ASPRV1: variants seen among roughly 807,000 people sequenced by gnomAD.
ASPRV1 encodes aspartic peptidase retroviral like 1, also known as retroviral-like aspartic protease 1.
Under a neutral mutation model 11.0 loss-of-function variants are expected in ASPRV1, and 7 were observed. The observed-to-expected ratio is 0.64, with a 90% confidence interval of 0.36 to 1.20. The LOEUF is 1.20. ASPRV1 is among the 50% of genes most tolerant of loss of function. The pLI, the probability that ASPRV1 is intolerant of heterozygous loss-of-function variation, is 0.02. For missense variants in ASPRV1, 299 were observed against 320.0 expected (o/e 0.93, Z 0.50); for synonymous variants, 136 against 138.4 (o/e 0.98, Z 0.12).
the ASPRV1 span, chr2:69,936,898 G>A: frequency 2.1e-6 from 1 of 481,268 alleles, no homozygotes; most frequent in African/African-American, 2.0e-5. Flanking sequence ...GGTGTTCAGG[G>A]GATTGCTGCA....
chr2:70,051,543 A>G, the ASPRV1 span, among the ~76,000 whole-genome samples: 1 of 152,240 alleles, frequency 6.6e-6, no homozygotes, highest in African/African-American at 2.4e-5. Context: ...TAGAATGCTC[A>G]CAATAATCAA....
the ASPRV1 span, among the ~76,000 whole-genome samples, chr2:69,986,238 C>G: frequency 6.6e-6 from 1 of 152,362 alleles, no homozygotes; most frequent in African/African-American, 2.4e-5. Flanking sequence ...AGATTCATAG[C>G]TGAGCCTGCT....
the ASPRV1 span, among the ~76,000 whole-genome samples, chr2:69,980,123 C>G: frequency 6.6e-6 from 1 of 152,202 alleles, no homozygotes; most frequent in Admixed American, 6.5e-5. Context: ...GGGCAGCCTG[C>G]CCTCCCCCAT....
the ASPRV1 span, among the ~76,000 whole-genome samples, chr2:70,023,655 C>T: frequency 3.5e-5 from 5 of 143,332 alleles, no homozygotes; most frequent in South Asian, 2.2e-4. Flanking sequence ...GCCTGGGCAA[C>T]GGAGCAAGAC....
chr2:70,026,809 C>A, the ASPRV1 span, among the ~76,000 whole-genome samples: 1 of 151,930 alleles, frequency 6.6e-6, no homozygotes, highest in African/African-American at 2.4e-5. Flanking sequence ...CAATCTCTAC[C>A]AAAATACCAA....
At chr2:70,080,482 C>G in the ASPRV1 span, among the ~76,000 whole-genome samples, 16 of 152,164 alleles carry the variant, frequency 1.1e-4, no homozygotes, top group Admixed American at 6.5e-4. Flanking sequence ...CCGCCTCGGC[C>G]GCCCAAAGTG....
chr2:69,933,741 A>G, the ASPRV1 span, among the ~76,000 whole-genome samples: 1,440 of 152,318 alleles, frequency 9.5e-3, 20 homozygotes, highest in African/African-American at 0.033. Flanking sequence ...CATTAATATC[A>G]TGCATATTCA....
chr2:69,963,062 G>A (rs990429541), upstream of ASPRV1: 14 of 348,776 alleles, frequency 4.0e-5, no homozygotes, highest in African/African-American at 1.5e-4. Context: ...AGTGCCTGGC[G>A]GAATCCCAGC....
chr2:70,054,359 G>A, the ASPRV1 span, among the ~76,000 whole-genome samples: 99 of 150,528 alleles, frequency 6.6e-4, 3 homozygotes, highest in Admixed American at 6.2e-3. Flanking sequence ...AGGCCGAGGC[G>A]GGTGGGTCAC....
the ASPRV1 span, among the ~76,000 whole-genome samples, chr2:70,022,373 A>G: frequency 3.4e-5 from 5 of 145,620 alleles, no homozygotes; most frequent in African/African-American, 1.3e-4. Context: ...ACACACACAC[A>G]CACACACACA....
the ASPRV1 span, among the ~76,000 whole-genome samples, chr2:69,987,761 A>G: frequency 6.6e-6 from 1 of 152,242 alleles, no homozygotes; most frequent in East Asian, 1.9e-4. Flanking sequence ...AAATAAATAA[A>G]TAACAAATAA....
At chr2:70,022,346 AACACACACACACACTTACACACAC>A in the ASPRV1 span, among the ~76,000 whole-genome samples, 176 of 138,584 alleles carry the variant, frequency 1.3e-3, 1 homozygote, top group African/African-American at 4.6e-3. Flanking sequence ...TTCTTACCAA[AACACACACACACACTTACACACAC>A]ACACACACAC....
chr2:69,985,814 A>G, the ASPRV1 span, among the ~76,000 whole-genome samples: 1 of 152,220 alleles, frequency 6.6e-6, no homozygotes, highest in Non-Finnish European at 1.5e-5. Flanking sequence ...GAGCTCAGAC[A>G]GACATGGAAC....
chr2:70,062,775 T>C, the ASPRV1 span, among the ~76,000 whole-genome samples: 86 of 152,146 alleles, frequency 5.7e-4, 1 homozygote, highest in Admixed American at 5.5e-3. Context: ...CACTCCAGCT[T>C]GGGCAACATA....
the ASPRV1 span, among the ~76,000 whole-genome samples, chr2:70,058,643 C>A: frequency 2.6e-5 from 4 of 151,492 alleles, no homozygotes; most frequent in Middle Eastern, 3.2e-3. Flanking sequence ...ACCTCCACCT[C>A]CCAGGTTCAG....
the ASPRV1 span, among the ~76,000 whole-genome samples, chr2:70,058,506 T>G: frequency 1.3e-5 from 2 of 151,970 alleles, no homozygotes; most frequent in African/African-American, 4.8e-5. Flanking sequence ...CCTACCAAAG[T>G]GCTACAATTA....
chr2:69,936,365 C>G, the ASPRV1 span, among the ~76,000 whole-genome samples: 1 of 152,080 alleles, frequency 6.6e-6, no homozygotes, highest in Admixed American at 6.5e-5. Context: ...GTGCTCACCT[C>G]ACAGCCCCAG....
chr2:70,039,536 T>G, the ASPRV1 span, among the ~76,000 whole-genome samples: 1 of 152,178 alleles, frequency 6.6e-6, no homozygotes, highest in South Asian at 2.1e-4. Context: ...CCTTAGACGT[T>G]TAAACCAGAT....
the ASPRV1 span, chr2:70,030,357 G>A: frequency 1.3e-5 from 2 of 152,242 alleles, no homozygotes; most frequent in East Asian, 3.9e-4. Flanking sequence ...TGAGCTTCAG[G>A]TTGTCCTCGG....
Sources: allele counts gnomAD v4.1 joint callset (sites outside exome capture counted in the v4.1 genomes callset), GRCh38; gene constraint gnomAD v4.1.1; transcripts MANE v1.5; gene names NCBI Gene and HGNC (gene_info 2026-07-23, HGNC 2026-07-21).